Variants in SCYL3 observed in about 807,000 individuals in gnomAD.
The protein encoded by SCYL3 is SCY1 like pseudokinase 3, also known as protein-associating with the carboxyl-terminal domain of ezrin.
In SCYL3, 35 loss-of-function variants were observed where a neutral mutation model predicts 73.8. That is an observed-to-expected ratio of 0.47 (90% CI 0.36 to 0.63). The LOEUF is 0.63. SCYL3 is among the 20% of genes least tolerant of loss of function. SCYL3 has a pLI of 0.00. For missense variants in SCYL3, 712 were observed against 798.9 expected (o/e 0.89, Z 1.31); for synonymous variants, 277 against 295.2 (o/e 0.94, Z 0.63).
At chr1:169,877,113 A>G (rs1660902927) in intron 3 of SCYL3, among the ~76,000 whole-genome samples, 1 of 152,074 alleles carries the variant, frequency 6.6e-6, no homozygotes, top group Non-Finnish European at 1.5e-5. Context: ...CCCCAAACCA[A>G]AAATCATTTC....
At chr1:169,881,435 C>T (rs1661250307) in intron 2 of SCYL3, among the ~76,000 whole-genome samples, 1 of 152,146 alleles carries the variant, frequency 6.6e-6, no homozygotes, top group African/African-American at 2.4e-5. Context: ...ATGCTAGAAA[C>T]ATTAGAATTA....
At chr1:169,880,511 TGAAA>T (rs1661165069) in intron 2 of SCYL3, among the ~76,000 whole-genome samples, 1 of 138,888 alleles carries the variant, frequency 7.2e-6, no homozygotes, top group Non-Finnish European at 1.6e-5. Context: ...TTTAAAATGC[TGAAA>T]GAAAAAACTA....
intron 2 of SCYL3, among the ~76,000 whole-genome samples, chr1:169,883,066 G>A (rs1365305930): frequency 1.3e-5 from 2 of 152,136 alleles, no homozygotes; most frequent in African/African-American, 4.8e-5. Context: ...TCACCGCGAA[G>A]GTCCACGGCT....
chr1:169,877,136 G>T (rs1329080723), intron 3 of SCYL3, among the ~76,000 whole-genome samples: 2 of 152,024 alleles, frequency 1.3e-5, no homozygotes, highest in Non-Finnish European at 2.9e-5. Flanking sequence ...TGATAAAAAA[G>T]TATGTTTAAA....
At position 169,861,896 on chromosome 1, in the gene SCYL3, A is replaced by C. The variant is rs1048358501; in HGVS notation, c.1140+717T>G. 2.6e-5 allele frequency among the ~76,000 whole-genome samples: 4 copies of C among 152,216 alleles called. No homozygotes were observed. In the East Asian group the frequency reaches 5.8e-4, roughly 22 times the overall value. ...ATGACTGGTGTCTTTCTAAGAGGCC[A>C]TGTAAAGACAGACAAGGAGGTAAGA... On this transcript the variant is annotated intron_variant, in intron 10 of 12. Coordinates refer to ENST00000367771, the MANE Select transcript of SCYL3 (RefSeq NM_020423.7).
chr1:169,891,709 T>C (rs1019827437), intron 1 of SCYL3, among the ~76,000 whole-genome samples: 13 of 152,188 alleles, frequency 8.5e-5, no homozygotes, highest in African/African-American at 3.1e-4. Context: ...TTAATCCTCA[T>C]GGGAGATAAG....
At chr1:169,890,104 A>G (rs1171426749) in intron 1 of SCYL3, among the ~76,000 whole-genome samples, 1 of 152,214 alleles carries the variant, frequency 6.6e-6, no homozygotes, top group Non-Finnish European at 1.5e-5. Context: ...CATGGGACCT[A>G]CTGTGAGAGG....
At position 169,862,690 on chromosome 1, in the gene SCYL3, T is replaced by C. The variant is rs1285067852; in HGVS notation, c.1063A>G (p.Met355Val). 6.2e-7 allele frequency: 1 copy of C among 1,614,144 alleles called. No homozygotes were observed. Among genetic ancestry groups the C allele is most frequent in the Non-Finnish European group, 8.5e-7 (1 of 1,180,026 alleles). Residue 355 changes from methionine to valine, a missense_variant, in exon 10 of 13, where the codon ATG becomes GTG. By Grantham distance (21) the Met-to-Val change is conservative. Transcript: ENST00000367771. ...GCCTCGATGTGAGACAGCAGCACCA[T>C]CCGCACATGCTCTTCATGAACTTCA... ...LFEVHEEHVR[M>V]VLLSHIEAYV... is the part of the protein sequence containing the mutation.
intron 2 of SCYL3, 87 bp from the exon 3 acceptor site, chr1:169,878,906 G>A: frequency 8.2e-7 from 1 of 1,221,354 alleles, no homozygotes; most frequent in Non-Finnish European, 1.1e-6. Context: ...ATCAGAAAAT[G>A]TATACTTGCA....
chr1:169,873,758 C>T lies in SCYL3; in HGVS notation c.466-6G>A. 1 of 1,591,934 alleles carries T rather than the reference C, an allele frequency of 6.3e-7. No individual in the cohort carries two copies. The highest frequency in any genetic ancestry group is 8.6e-7 in the Non-Finnish European group (1 of 1,161,534). ...GACTGAATACTCCTCAGAAACTAGA[C>T]AGAGAAATAAATTAAAGAAAATGAT... On this transcript the variant is annotated splice_region_variant and splice_polypyrimidine_tract_variant and intron_variant, in intron 4 of 12. Transcript: ENST00000367771.
intron 2 of SCYL3, among the ~76,000 whole-genome samples, chr1:169,883,630 G>A (rs924602027): frequency 6.6e-6 from 1 of 151,554 alleles, no homozygotes; most frequent in Non-Finnish European, 1.5e-5. Context: ...TATAATTTTT[G>A]TATCAGATGC....
chr1:169,857,965 G>C (rs1233911479), intron 11 of SCYL3, among the ~76,000 whole-genome samples: 1 of 152,012 alleles, frequency 6.6e-6, no homozygotes, highest in Non-Finnish European at 1.5e-5. Flanking sequence ...ACCTGTATAG[G>C]GTATTTACTA....
At position 169,850,201 on chromosome 1, in the gene SCYL3, AT is replaced by A. The variant is rs1431456487; in HGVS notation, c.*3511del. On this transcript the variant is annotated 3_prime_UTR_variant, in exon 13 of 13. Coordinates refer to ENST00000367771, the MANE Select transcript of SCYL3 (RefSeq NM_020423.7). ...TTGGTTAAGGTAGCTCATAAAACTCATCTATTTGTCTTTGCAAGTTGTTGAA... is the reference window on the plus strand; with the variant it reads ...TTGGTTAAGGTAGCTCATAAAACTCACTATTTGTCTTTGCAAGTTGTTGAA... The A allele has an allele frequency of 2.4e-5, 26 of 1,088,092 alleles. No individual in the cohort carries two copies. The highest frequency in any genetic ancestry group is 2.8e-6 in the Non-Finnish European group (2 of 721,670). The allele number at this position is 1,088,092 out of a possible 1,614,324, so 67.4% of individuals were successfully genotyped here. A position where few individuals can be genotyped will look rare whatever the true frequency, so the allele number is the denominator to read the frequency against.
At position 169,852,776 on chromosome 1, in the gene SCYL3, TG is replaced by T. The variant is rs1571364260; in HGVS notation, c.*936del. On this transcript the variant is annotated 3_prime_UTR_variant, in exon 13 of 13. Coordinates refer to ENST00000367771, the MANE Select transcript of SCYL3 (RefSeq NM_020423.7). ...AGAATGGATATTGTGATATTACTTA[TG>T]TTTTTTTTCCAGCCTTATGCAAAAA... is the stretch of plus-strand genomic sequence containing the variant. 2 of 1,612,304 alleles carry T rather than the reference TG, an allele frequency of 1.2e-6. No individual in the cohort carries two copies. Among genetic ancestry groups the T allele is most frequent in the Non-Finnish European group, 1.7e-6 (2 of 1,178,882 alleles).
At position 169,852,390 on chromosome 1, in the gene SCYL3, TTAGTA is replaced by T. The variant is rs767521346; in HGVS notation, c.*1318_*1322del. On this transcript the variant is annotated 3_prime_UTR_variant, in exon 13 of 13. Transcript: ENST00000367771. ...ATTCAAAATATTGTTTTGAGCACTA[TTAGTA>T]TAGTAATTAGTATAGTAGTAATTCA... 38 of 276,520 alleles carry T rather than the reference TTAGTA, an allele frequency of 1.4e-4. No homozygotes were observed. The highest frequency in any genetic ancestry group is 1.9e-4 in the Non-Finnish European group (28 of 145,328). The allele number at this position is 276,520 out of a possible 1,614,324, so 17.1% of individuals were successfully genotyped here.
rs574912430 is a variant in SCYL3 at position 169,865,780 on chromosome 1, G to C, written c.815+1116C>G. ...CTAACTACTAAATGAACAGGTACCT[G>C]TTCGTTCCTCCTACCTTCGTGAAAT... On this transcript the variant is annotated intron_variant, in intron 8 of 12. Transcript: ENST00000367771. Among the ~76,000 whole-genome samples the C allele has an allele frequency of 3.9e-5, 6 of 152,258 alleles. No individual in the cohort carries two copies. The South Asian group carries it at 1.2e-3, about 32-fold the overall frequency.
intron 9 of SCYL3, 50 bp from the exon 10 acceptor site, chr1:169,862,847 G>C (rs1394133960): frequency 1.3e-6 from 2 of 1,574,558 alleles, no homozygotes; most frequent in Non-Finnish European, 1.7e-6. Context: ...TTTCATTTCA[G>C]TGAAAAGTAT....
At position 169,866,907 on chromosome 1, in the gene SCYL3, C is replaced by CG; in HGVS notation, c.803dup (p.Glu269GlyfsTer4). ...TTTTCTGAACTTACTTAAAGAATTCCGTTTTCTCCTCTTCACTCTTCAATG... is the reference window on the plus strand; with the variant it reads ...TTTTCTGAACTTACTTAAAGAATTCCGGTTTTCTCCTCTTCACTCTTCAATG... On this transcript the variant is annotated frameshift_variant, in exon 8 of 13. Coordinates refer to ENST00000367771, the MANE Select transcript of SCYL3 (RefSeq NM_020423.7). LOFTEE classifies it high-confidence loss of function. 6.4e-7 allele frequency: 1 copy of CG among 1,560,508 alleles called. No homozygotes were observed. The highest frequency in any genetic ancestry group is 1.4e-5 in the African/African-American group (1 of 73,316).
chr1:169,877,302 G>A (rs1660918454), intron 3 of SCYL3, among the ~76,000 whole-genome samples: 1 of 152,004 alleles, frequency 6.6e-6, no homozygotes, highest in Non-Finnish European at 1.5e-5. Flanking sequence ...CTACAGGCAT[G>A]TGCCACCATG....
Sources: allele counts gnomAD v4.1 joint callset (sites outside exome capture counted in the v4.1 genomes callset), GRCh38; gene constraint gnomAD v4.1.1; transcripts MANE v1.5; gene names NCBI Gene and HGNC (gene_info 2026-07-23, HGNC 2026-07-21).